The following ATP10B variants were observed in gnomAD, a reference collection of about 807,000 sequenced individuals.
ATP10B encodes the protein ATPase phospholipid transporting 10B (putative), also known as phospholipid-transporting ATPase VB.
ATP10B carries 122 observed loss-of-function variants against 141.2 expected under a neutral mutation model. The ratio of observed to expected loss-of-function variants is 0.86; its 90% CI spans 0.75 to 1.00. The LOEUF is 1.00. Ranked by LOEUF, ATP10B falls within the 50% of genes least tolerant of loss-of-function variation. The pLI, the probability that ATP10B is intolerant of heterozygous loss-of-function variation, is 0.00. For synonymous variants in ATP10B, 685 were observed against 692.0 expected (o/e 0.99, Z 0.16); for missense variants, 1,876 against 1,825.3 (o/e 1.03, Z -0.51).
chr5:160,856,559 A>G (rs142828838), upstream of ATP10B, among the ~76,000 whole-genome samples: 324 of 151,948 alleles, frequency 2.1e-3, no homozygotes, highest in African/African-American at 7.5e-3. Context: ...AAGTGATGAG[A>G]GTGAACATCA....
intron 13 of ATP10B, among the ~76,000 whole-genome samples, chr5:160,628,298 C>T (rs549517981): frequency 6.6e-6 from 1 of 152,338 alleles, no homozygotes; most frequent in East Asian, 1.9e-4. Context: ...GTCCCCCCAC[C>T]CCGATTTGAG....
At chr5:160,620,271 T>C in intron 15 of ATP10B, 76 bp downstream of exon 15, 2 of 1,510,394 alleles carry the variant, frequency 1.3e-6, no homozygotes, top group Non-Finnish European at 1.8e-6. Context: ...CAACTTGAGC[T>C]TCTTATTACC....
chr5:160,868,078 G>A, the ATP10B span, among the ~76,000 whole-genome samples: 11 of 152,166 alleles, frequency 7.2e-5, no homozygotes, highest in South Asian at 1.0e-3. Flanking sequence ...CAAGGGGAGC[G>A]TTAAGCCTGA....
chr5:160,678,397 CG>C (rs1763170847), intron 6 of ATP10B, among the ~76,000 whole-genome samples: 2 of 152,282 alleles, frequency 1.3e-5, no homozygotes, highest in African/African-American at 4.8e-5. Flanking sequence ...TGGTGGCTCA[CG>C]CCATAATACC....
chr5:160,583,431 C>T (rs1488280429), intron 24 of ATP10B, among the ~76,000 whole-genome samples: 1 of 152,190 alleles, frequency 6.6e-6, no homozygotes, highest in Non-Finnish European at 1.5e-5. Flanking sequence ...CTGCCTGTTC[C>T]TTCTTCTGGA....
At chr5:160,731,065 A>G (rs1766707767) in intron 2 of ATP10B, among the ~76,000 whole-genome samples, 1 of 152,224 alleles carries the variant, frequency 6.6e-6, no homozygotes, top group African/African-American at 2.4e-5. Context: ...CCATTTAACC[A>G]AGAAAATAGT....
chr5:160,623,268 G>T (rs1451653330), intron 13 of ATP10B, among the ~76,000 whole-genome samples: 1 of 152,202 alleles, frequency 6.6e-6, no homozygotes, highest in South Asian at 2.1e-4. Context: ...AGCTCACAAT[G>T]AAGTCTCTTT....
At position 160,820,843 on chromosome 5, in the gene ATP10B, C is replaced by T. The variant is rs1275910607; in HGVS notation, c.-576+31098G>A. On this transcript the variant is annotated intron_variant, in intron 1 of 25. Coordinates refer to ENST00000327245, the MANE Select transcript of ATP10B (RefSeq NM_025153.3). Reference sequence around the variant, plus strand: ...AAAGCATTTGATAATATTCAACATCCCTTTATGATAAAAACCCTAAGAAAG... The same window carrying T: ...AAAGCATTTGATAATATTCAACATCTCTTTATGATAAAAACCCTAAGAAAG... 3.3e-5 allele frequency among the ~76,000 whole-genome samples: 5 copies of T among 152,146 alleles called. No homozygotes were observed. The East Asian group carries it at 5.8e-4, about 18-fold the overall frequency.
rs115674890 is a variant in ATP10B at position 160,600,194 on chromosome 5, G to T, written c.3364-1224C>A. The stretch of plus-strand genomic sequence containing the variant: ...ACGTTATTGTACTGATATATCACAT[G>T]TTGATATTAACAATAATATTAACAT... On this transcript the variant is annotated intron_variant, in intron 21 of 25. Coordinates refer to ENST00000327245, the MANE Select transcript of ATP10B (RefSeq NM_025153.3). Among the ~76,000 whole-genome samples the T allele has an allele frequency of 4.5e-3, 682 of 152,236 alleles. 4 individuals are homozygous for T. Among genetic ancestry groups the T allele is most frequent in the South Asian group, 0.014 (67 of 4,812 alleles).
the ATP10B span, among the ~76,000 whole-genome samples, chr5:160,876,735 C>T: frequency 6.6e-6 from 1 of 151,336 alleles, no homozygotes; most frequent in East Asian, 1.9e-4. Context: ...TACAAACTAC[C>T]ATCAGAGAAT....
chr5:160,592,930 G>A lies in ATP10B; in HGVS notation c.3565-1791C>T, dbSNP rs189646386. On this transcript the variant is annotated intron_variant, in intron 22 of 25. Coordinates refer to ENST00000327245, the MANE Select transcript of ATP10B (RefSeq NM_025153.3). ...AGCTGGGAAGCTCGAACTGGGTGGA[G>A]CCCACCACAGCTCAAGGAGGCCTGC... 8.7e-3 allele frequency among the ~76,000 whole-genome samples: 1,327 copies of A among 152,346 alleles called. 21 individuals carry two copies. Among genetic ancestry groups the A allele is most frequent in the African/African-American group, 0.031 (1,281 of 41,588 alleles).
At chr5:160,861,887 CTTA>C in the ATP10B span, among the ~76,000 whole-genome samples, 1 of 151,964 alleles carries the variant, frequency 6.6e-6, no homozygotes, top group East Asian at 1.9e-4. Context: ...TCTATTACAT[CTTA>C]ACAAATGGCA....
chr5:160,569,456 TG>T (rs1331306842), intron 25 of ATP10B, 39 bp downstream of exon 25: 24 of 1,605,302 alleles, frequency 1.5e-5, no homozygotes, highest in Non-Finnish European at 2.0e-5. Context: ...AAAGGGAGAT[TG>T]GTAATTTTAG....
the ATP10B span, among the ~76,000 whole-genome samples, chr5:160,867,015 G>A: frequency 2.0e-5 from 3 of 152,112 alleles, no homozygotes; most frequent in African/African-American, 7.2e-5. Flanking sequence ...ACTTAGGTCA[G>A]TCAGATCTAG....
At chr5:160,830,015 C>T (rs1345844857) in intron 1 of ATP10B, among the ~76,000 whole-genome samples, 1 of 152,022 alleles carries the variant, frequency 6.6e-6, no homozygotes, top group Non-Finnish European at 1.5e-5. Flanking sequence ...GAGTGGGCAT[C>T]CTTGTCTTGT....
intron 1 of ATP10B, among the ~76,000 whole-genome samples, chr5:160,830,200 G>T (rs899826040): frequency 2.0e-5 from 3 of 151,784 alleles, no homozygotes; most frequent in Non-Finnish European, 4.4e-5. Context: ...GAGGTTATGT[G>T]GTTTTTGCTT....
chr5:160,810,872 A>T (rs1350310219), intron 1 of ATP10B, among the ~76,000 whole-genome samples: 1 of 152,092 alleles, frequency 6.6e-6, no homozygotes, highest in Non-Finnish European at 1.5e-5. Flanking sequence ...CATTTTTTTC[A>T]GTTACAAACT....
the ATP10B span, among the ~76,000 whole-genome samples, chr5:160,887,403 A>G: frequency 6.6e-6 from 1 of 152,156 alleles, no homozygotes; most frequent in East Asian, 1.9e-4. Context: ...TTGTTTTCTG[A>G]TATTTTATAT....
chr5:160,781,419 G>T (rs990951439), intron 2 of ATP10B, among the ~76,000 whole-genome samples: 5 of 152,130 alleles, frequency 3.3e-5, no homozygotes, highest in African/African-American at 1.2e-4. Context: ...GTTTGTGATG[G>T]GTACAGGGTG....
Sources: allele counts gnomAD v4.1 joint callset (sites outside exome capture counted in the v4.1 genomes callset), GRCh38; gene constraint gnomAD v4.1.1; transcripts MANE v1.5; gene names NCBI Gene and HGNC (gene_info 2026-07-23, HGNC 2026-07-21).